GLRB: variants seen among roughly 807,000 people sequenced by gnomAD.
The protein encoded by GLRB is glycine receptor beta.
In GLRB, 33 loss-of-function variants were observed where a neutral mutation model predicts 54.2. The observed-to-expected ratio is 0.61, with a 90% confidence interval of 0.46 to 0.81. The LOEUF is 0.81. Ranked by LOEUF, GLRB falls within the 40% of genes least tolerant of loss-of-function variation. The pLI is 0.00. For missense variants in GLRB, 572 were observed against 584.6 expected (o/e 0.98, Z 0.22); for synonymous variants, 209 against 208.2 (o/e 1.00, Z -0.03).
intron 4 of GLRB, among the ~76,000 whole-genome samples, chr4:157,124,988 A>C (rs1376023421): frequency 6.6e-6 from 1 of 151,884 alleles, no homozygotes; most frequent in East Asian, 1.9e-4. Context: ...CTCAAGGCAA[A>C]TGCTGTAATA....
In GLRB at chr4:157,152,794, G is replaced by A; in HGVS notation, c.981G>A (p.Lys327=). The A allele has an allele frequency of 6.2e-7, 1 of 1,613,906 alleles. No homozygotes were observed. Among genetic ancestry groups the A allele is most frequent in the Non-Finnish European group, 8.5e-7 (1 of 1,179,860 alleles). ...AGCTTCCCAAAGTTTCCTATGTGAA[G>A]GCTCTTGATGTTTGGCTTATTGCTT... The part of the protein sequence containing the change: ...AAELPKVSYV[K]ALDVWLIACL... Residue 327 remains lysine, a synonymous_variant, in exon 9 of 10, where the codon AAG becomes AAA. Coordinates refer to ENST00000264428, the MANE Select transcript of GLRB (RefSeq NM_000824.5).
At chr4:157,099,635 C>T (rs1734944358) in intron 2 of GLRB, among the ~76,000 whole-genome samples, 1 of 152,076 alleles carries the variant, frequency 6.6e-6, no homozygotes. Context: ...TTTGCCCAGC[C>T]TGTTATGAAC....
intron 2 of GLRB, among the ~76,000 whole-genome samples, chr4:157,081,180 A>G (rs1023389472): frequency 2.6e-5 from 4 of 152,224 alleles, no homozygotes; most frequent in African/African-American, 9.6e-5. Flanking sequence ...TTAAATTAAT[A>G]AAAATATTTT....
At chr4:157,127,567 G>A (rs1302867611) in intron 4 of GLRB, among the ~76,000 whole-genome samples, 2 of 151,834 alleles carry the variant, frequency 1.3e-5, no homozygotes, top group African/African-American at 4.8e-5. Flanking sequence ...CATTTCAGAT[G>A]TGATTAAATT....
Position 157,170,611 on chromosome 4 carries a change from TC to T in GLRB, c.1382del (p.Pro461LeufsTer58). ...KSQAKNNKKP[P>X]PAKPVIPTAA... ...CTCAGGCTAAGAACAACAAGAAGCC[TC>T]CCCCTGCGAAACCTGTTATTCCAAC... On this transcript the variant is annotated frameshift_variant, in exon 10 of 10. Coordinates refer to ENST00000264428, the MANE Select transcript of GLRB (RefSeq NM_000824.5). LOFTEE classifies it high-confidence loss of function. 6.2e-7 allele frequency: 1 copy of T among 1,612,130 alleles called. No individual in the cohort carries two copies. The highest frequency in any genetic ancestry group is 8.5e-7 in the Non-Finnish European group (1 of 1,178,416).
At chr4:157,077,350 A>G (rs1405533158) in intron 1 of GLRB, among the ~76,000 whole-genome samples, 3 of 152,146 alleles carry the variant, frequency 2.0e-5, no homozygotes, top group Non-Finnish European at 2.9e-5. Flanking sequence ...TAAGTAAGAA[A>G]GCTTTAAAGC....
intron 2 of GLRB, among the ~76,000 whole-genome samples, chr4:157,110,406 T>A (rs1007373937): frequency 6.6e-6 from 1 of 152,028 alleles, no homozygotes; most frequent in Non-Finnish European, 1.5e-5. Context: ...TTCTTTCTTC[T>A]GCTTATTCTA....
At position 157,119,208 on chromosome 4, in the gene GLRB, T is replaced by G. The variant is rs546468740; in HGVS notation, c.123-1348T>G. Reference sequence around the variant, plus strand: ...GGTAGTTATCTCTTATAGTATAGAGTATTTTACTTGTTTCATTTATCTGAT... The same window carrying G: ...GGTAGTTATCTCTTATAGTATAGAGGATTTTACTTGTTTCATTTATCTGAT... On this transcript the variant is annotated intron_variant, in intron 2 of 9. Coordinates refer to ENST00000264428, the MANE Select transcript of GLRB (RefSeq NM_000824.5). 2.2e-4 allele frequency among the ~76,000 whole-genome samples: 34 copies of G among 151,630 alleles called. 1 individual carries two copies. The South Asian group carries it at 7.0e-3, about 31-fold the overall frequency.
At chr4:157,111,801 C>G (rs958701597) in intron 2 of GLRB, among the ~76,000 whole-genome samples, 2 of 151,946 alleles carry the variant, frequency 1.3e-5, no homozygotes, top group Admixed American at 1.3e-4. Context: ...ACTATACTAT[C>G]CACTCCAATC....
At chr4:157,161,678 T>C (rs1484095004) in intron 9 of GLRB, among the ~76,000 whole-genome samples, 2 of 152,222 alleles carry the variant, frequency 1.3e-5, no homozygotes, top group East Asian at 3.9e-4. Flanking sequence ...TTCTAGCTTG[T>C]AGAGTTTCTG....
At chr4:157,160,565 A>G (rs562383157) in intron 9 of GLRB, among the ~76,000 whole-genome samples, 5 of 151,846 alleles carry the variant, frequency 3.3e-5, no homozygotes, top group Non-Finnish European at 1.5e-5. Context: ...GAACATCTTT[A>G]TTTCTGCCTT....
At chr4:157,159,969 T>G (rs1350204322) in intron 9 of GLRB, among the ~76,000 whole-genome samples, 1 of 152,184 alleles carries the variant, frequency 6.6e-6, no homozygotes. Context: ...GTCCTGGACT[T>G]TTTTTGGTTG....
intron 9 of GLRB, among the ~76,000 whole-genome samples, chr4:157,157,682 T>C (rs1374794617): frequency 1.3e-5 from 2 of 152,218 alleles, no homozygotes; most frequent in African/African-American, 2.4e-5. Flanking sequence ...ATCCTTTTTA[T>C]GGCTGCATAG....
chr4:157,159,699 G>C (rs76960247), intron 9 of GLRB, among the ~76,000 whole-genome samples: 1 of 152,124 alleles, frequency 6.6e-6, no homozygotes, highest in Non-Finnish European at 1.5e-5. Flanking sequence ...GATCATGGTG[G>C]ATAACCTTTT....
intron 2 of GLRB, among the ~76,000 whole-genome samples, chr4:157,092,684 A>T (rs749635675): frequency 6.6e-6 from 1 of 152,188 alleles, no homozygotes; most frequent in East Asian, 1.9e-4. Flanking sequence ...TGCTTGTCAC[A>T]TGGGAGGCCA....
At position 157,122,340 on chromosome 4, in the gene GLRB, T is replaced by G; in HGVS notation, c.240T>G (p.Val80=). 4 of 1,280,838 alleles carry G rather than the reference T, an allele frequency of 3.1e-6. No homozygotes were observed. The highest frequency in any genetic ancestry group is 4.5e-6 in the Non-Finnish European group (4 of 890,736). The allele number at this position is 1,280,838 out of a possible 1,614,324, so 79.3% of individuals were successfully genotyped here. A position where few individuals can be genotyped will look rare whatever the true frequency, so the allele number is the denominator to read the frequency against. Reference sequence around the variant, plus strand: ...AATTTTTATTCATAGGCATTCCTGTTGATGTAGTAGTCAACATTTTTATTA... The same window carrying G: ...AATTTTTATTCATAGGCATTCCTGTGGATGTAGTAGTCAACATTTTTATTA... ...RIRPNFKGIP[V]DVVVNIFINS... is the part of the protein sequence containing the mutation. Residue 80 remains valine, a synonymous_variant, in exon 4 of 10, where the codon GTT becomes GTG. Transcript: ENST00000264428.
chr4:157,129,826 ATG>A (rs941647953), intron 4 of GLRB, among the ~76,000 whole-genome samples: 1 of 151,662 alleles, frequency 6.6e-6, no homozygotes, highest in African/African-American at 2.4e-5. Flanking sequence ...ATGCTAAAAA[ATG>A]TGTGTTAGCA....
At chr4:157,153,091 C>T in intron 9 of GLRB, 81 bp downstream of exon 9, 5 of 1,219,230 alleles carry the variant, frequency 4.1e-6, no homozygotes, top group Non-Finnish European at 6.0e-6. Flanking sequence ...GTGTATGTGA[C>T]AAGTTTTGAT....
At chr4:157,155,756 C>T (rs1262830814) in intron 9 of GLRB, among the ~76,000 whole-genome samples, 1 of 152,136 alleles carries the variant, frequency 6.6e-6, no homozygotes, top group Non-Finnish European at 1.5e-5. Flanking sequence ...TTAATTATGA[C>T]ATGTCTCTGT....
Sources: gnomAD v4.1 joint callset for allele counts (sites outside exome capture counted in the v4.1 genomes callset) on GRCh38, gnomAD v4.1.1 for gene constraint, MANE v1.5 for transcripts, NCBI Gene and HGNC (gene_info 2026-07-23, HGNC 2026-07-21) for gene names.